SNX29: variants seen among roughly 807,000 people sequenced by gnomAD.
The protein encoded by SNX29 is sorting nexin 29.
Under a neutral mutation model 102.1 loss-of-function variants are expected in SNX29, and 78 were observed. The observed-to-expected ratio is 0.76, with a 90% CI of 0.64 to 0.92. The LOEUF is 0.92. Among genes scored for constraint, SNX29 ranks in the 40% least tolerant of loss-of-function variants. The pLI is 0.00. For synonymous variants in SNX29, 580 were observed against 414.5 expected (o/e 1.40, Z -4.85); for missense variants, 1,280 against 1,061.7 (o/e 1.21, Z -2.86).
chr16:12,469,913 G>A (rs548631895), intron 18 of SNX29, among the ~76,000 whole-genome samples: 3 of 152,290 alleles, frequency 2.0e-5, no homozygotes, highest in South Asian at 4.1e-4. Flanking sequence ...AGGAGGCTGA[G>A]GCAGGCTGAG....
At chr16:12,424,654 G>C (rs1174223346) in intron 18 of SNX29, among the ~76,000 whole-genome samples, 1 of 152,176 alleles carries the variant, frequency 6.6e-6, no homozygotes, top group Non-Finnish European at 1.5e-5. Context: ...AAGCAAGCAG[G>C]AATCAGGCTA....
intron 19 of SNX29, among the ~76,000 whole-genome samples, chr16:12,519,320 C>G (rs7194119): frequency 2.0e-5 from 3 of 152,208 alleles, no homozygotes; most frequent in African/African-American, 7.2e-5. Flanking sequence ...GGAGTCCAGT[C>G]TGAACAGTAT....
At chr16:12,317,128 G>A (rs1178671497) in intron 15 of SNX29, among the ~76,000 whole-genome samples, 2 of 152,140 alleles carry the variant, frequency 1.3e-5, no homozygotes, top group African/African-American at 4.8e-5. Context: ...CTTTCCTATT[G>A]TACAGGCACC....
chr16:12,277,893 A>C, intron 14 of SNX29, 40 bp from the exon 15 acceptor site: 1 of 1,528,182 alleles, frequency 6.5e-7, no homozygotes, highest in Non-Finnish European at 8.9e-7. Flanking sequence ...AATTTTCGAT[A>C]CTGTTGAAAT....
At chr16:12,287,137 T>G (rs1946976456) in intron 15 of SNX29, among the ~76,000 whole-genome samples, 1 of 152,220 alleles carries the variant, frequency 6.6e-6, no homozygotes, top group African/African-American at 2.4e-5. Flanking sequence ...ATGTGCCCTT[T>G]GCTTGGCTCT....
At chr16:12,341,784 C>A (rs1037642818) in intron 15 of SNX29, among the ~76,000 whole-genome samples, 1 of 152,180 alleles carries the variant, frequency 6.6e-6, no homozygotes, top group Admixed American at 6.5e-5. Flanking sequence ...AAGCTTGTGC[C>A]CTGTTGTGCA....
chr16:12,253,710 G>T (rs35883649), intron 14 of SNX29, among the ~76,000 whole-genome samples: 1 of 152,150 alleles, frequency 6.6e-6, no homozygotes. Context: ...GCCTGGTGAG[G>T]TTGGTAGGCA....
chr16:12,533,075 C>A (rs1472656175), intron 20 of SNX29, among the ~76,000 whole-genome samples: 4 of 152,230 alleles, frequency 2.6e-5, no homozygotes, highest in Admixed American at 1.3e-4. Context: ...TTGCAAGCCA[C>A]AGCCCACATC....
intron 20 of SNX29, among the ~76,000 whole-genome samples, chr16:12,527,990 A>AT (rs59840717): frequency 1.3e-3 from 196 of 147,388 alleles, no homozygotes; most frequent in East Asian, 3.8e-3. Flanking sequence ...ATGCCTGGCT[A>AT]TTTTTTTTTT....
chr16:12,325,333 T>C (rs1275654546), intron 15 of SNX29, among the ~76,000 whole-genome samples: 1 of 152,214 alleles, frequency 6.6e-6, no homozygotes, highest in Non-Finnish European at 1.5e-5. Context: ...AGAGGAAGGA[T>C]TGAAAAGCCA....
chr16:12,158,073 C>T (rs947296551), intron 13 of SNX29, among the ~76,000 whole-genome samples: 3 of 151,736 alleles, frequency 2.0e-5, no homozygotes, highest in East Asian at 1.9e-4. Flanking sequence ...TGAGTTAAAG[C>T]GTTGCTGCTG....
rs1357031398 is a variant in SNX29 at position 12,391,522 on chromosome 16, G to T, written c.1900-6924G>T. On this transcript the variant is annotated intron_variant, in intron 16 of 20. Coordinates refer to ENST00000566228, the MANE Select transcript of SNX29 (RefSeq NM_032167.5). ...AAATTTTAAAAGCAATTATATGAAA[G>T]AATTTTACAGTGAACACATGTATAC... is the stretch of plus-strand genomic sequence containing the variant. 2.0e-5 allele frequency among the ~76,000 whole-genome samples: 3 copies of T among 152,240 alleles called. No individual in the cohort carries two copies. The South Asian group carries it at 6.2e-4, about 32-fold the overall frequency.
chr16:12,028,345 A>G (rs2057248853), intron 4 of SNX29, among the ~76,000 whole-genome samples: 1 of 151,784 alleles, frequency 6.6e-6, no homozygotes. Flanking sequence ...TCAACCCTTC[A>G]ATAGATCTTT....
chr16:12,357,720 G>C (rs920276707), intron 16 of SNX29, among the ~76,000 whole-genome samples: 1 of 152,016 alleles, frequency 6.6e-6, no homozygotes, highest in African/African-American at 2.4e-5. Context: ...CTAGCCCTTG[G>C]CGACCATTCT....
intron 20 of SNX29, among the ~76,000 whole-genome samples, chr16:12,555,846 C>G (rs909528152): frequency 6.6e-6 from 1 of 152,214 alleles, no homozygotes; most frequent in African/African-American, 2.4e-5. Flanking sequence ...CAACCCCCCT[C>G]ACCACCTCCA....
chr16:12,483,443 G>T (rs2088070558), intron 19 of SNX29, among the ~76,000 whole-genome samples: 1 of 151,118 alleles, frequency 6.6e-6, no homozygotes, highest in African/African-American at 2.4e-5. Context: ...TCAGCCTCCT[G>T]AGTAGCTGGG....
At chr16:12,348,573 C>T (rs922471748) in intron 15 of SNX29, among the ~76,000 whole-genome samples, 1 of 152,002 alleles carries the variant, frequency 6.6e-6, no homozygotes. Context: ...TGACAGTGTC[C>T]CTTACCTTTG....
chr16:12,145,426 G>T (rs775603378), intron 13 of SNX29, among the ~76,000 whole-genome samples: 2 of 152,070 alleles, frequency 1.3e-5, no homozygotes, highest in Non-Finnish European at 2.9e-5. Context: ...TTAAATACAA[G>T]ATTTTTTTTC....
At chr16:12,050,190 G>A (rs888826008) in intron 7 of SNX29, among the ~76,000 whole-genome samples, 2 of 152,128 alleles carry the variant, frequency 1.3e-5, no homozygotes, top group African/African-American at 4.8e-5. Context: ...TTGGAACTCT[G>A]CTTTTGAGGT....
Sources: gnomAD v4.1 joint callset for allele counts (sites outside exome capture counted in the v4.1 genomes callset) on GRCh38, gnomAD v4.1.1 for gene constraint, MANE v1.5 for transcripts, NCBI Gene and HGNC (gene_info 2026-07-23, HGNC 2026-07-21) for gene names.